Variants in LTF observed in about 807,000 individuals in gnomAD.
The protein encoded by LTF is epididymis luminal protein 110.
A neutral mutation model predicts 87.2 loss-of-function variants in LTF; 91 were observed. That is an observed-to-expected ratio of 1.04 (90% CI 0.88 to 1.24). LTF has a LOEUF of 1.24. Ranked by LOEUF, LTF falls within the 50% of genes most tolerant of loss-of-function variation. The pLI is 0.00. For synonymous variants in LTF, 378 were observed against 356.1 expected (o/e 1.06, Z -0.69); for missense variants, 901 against 904.3 (o/e 1.00, Z 0.05).
chr3:46,472,661 C>A (rs1703308774), intron 1 of LTF, among the ~76,000 whole-genome samples: 1 of 151,962 alleles, frequency 6.6e-6, no homozygotes, highest in Admixed American at 6.6e-5. Flanking sequence ...GCCACATGGT[C>A]AGCCCTTTTG....
intron 1 of LTF, among the ~76,000 whole-genome samples, chr3:46,482,281 C>A (rs1703442266): frequency 6.6e-6 from 1 of 151,920 alleles, no homozygotes; most frequent in Admixed American, 6.6e-5. Context: ...CATGGAGAAA[C>A]CCCATCTCTA....
chr3:46,475,511 C>A (rs902511884), intron 1 of LTF, among the ~76,000 whole-genome samples: 71 of 136,352 alleles, frequency 5.2e-4, no homozygotes, highest in Non-Finnish European at 7.9e-4. Context: ...CTGCTCTCCC[C>A]CTAAACACAC....
intron 6 of LTF, chr3:46,454,092 G>T: frequency 1.7e-6 from 1 of 574,436 alleles, no homozygotes; most frequent in African/African-American, 1.9e-5. Flanking sequence ...AGGCATGGGT[G>T]TCTATGAGGG....
chr3:46,472,626 G>C (rs1469143502), intron 1 of LTF, among the ~76,000 whole-genome samples: 1 of 150,836 alleles, frequency 6.6e-6, no homozygotes, highest in African/African-American at 2.4e-5. Flanking sequence ...GAACTCCCAG[G>C]CTCAAGAGAT....
At chr3:46,456,040 A>C in intron 3 of LTF, 62 bp from the exon 4 acceptor site, 1 of 1,428,892 alleles carries the variant, frequency 7.0e-7, no homozygotes, top group Non-Finnish European at 9.3e-7. Context: ...AAAACAACCC[A>C]TCCTGAAAAG....
At chr3:46,443,101 C>A (rs1702562114) in intron 13 of LTF, among the ~76,000 whole-genome samples, 1 of 152,218 alleles carries the variant, frequency 6.6e-6, no homozygotes, top group African/African-American at 2.4e-5. Context: ...AAAGAGAATT[C>A]TTCCCCATAA....
intron 16 of LTF, among the ~76,000 whole-genome samples, chr3:46,436,647 G>A (rs1702393121): frequency 6.6e-6 from 1 of 152,218 alleles, no homozygotes; most frequent in Non-Finnish European, 1.5e-5. Context: ...GCTGTGCTAA[G>A]TGCTGGGGAC....
intron 16 of LTF, 42 bp from the exon 17 acceptor site, chr3:46,436,271 T>C: frequency 6.4e-7 from 1 of 1,567,090 alleles, no homozygotes; most frequent in Non-Finnish European, 8.8e-7. Flanking sequence ...AACTGATTTC[T>C]TCCATTAAAC....
chr3:46,456,984 G>A (rs763738572), intron 2 of LTF, among the ~76,000 whole-genome samples: 3 of 152,144 alleles, frequency 2.0e-5, no homozygotes, highest in Admixed American at 2.0e-4. Flanking sequence ...ATCAGGCATT[G>A]GATTCTCATA....
rs967672800 is a variant in LTF at position 46,476,577 on chromosome 3, G to A, written c.-319-6111C>T. Among the ~76,000 whole-genome samples, 5 of 152,290 alleles carry A rather than the reference G, an allele frequency of 3.3e-5. No homozygotes were observed. The East Asian group carries it at 5.8e-4, about 18-fold the overall frequency. ...GTAGCATACATATGCATATATAACAGCAGATGCACAAATCATACATGTAGA... is the reference window on the plus strand; with the variant it reads ...GTAGCATACATATGCATATATAACAACAGATGCACAAATCATACATGTAGA... On this transcript the variant is annotated intron_variant, in intron 1 of 19. Coordinates refer to the LTF transcript ENST00000443496.
rs543630918 is a variant in LTF at position 46,463,336 on chromosome 3, A to G, written c.43+1489T>C. On this transcript the variant is annotated intron_variant, in intron 1 of 16. Coordinates refer to ENST00000231751, the MANE Select transcript of LTF (RefSeq NM_002343.6). ...GATAGGGCCCAAGCAGACTGCTCAG[A>G]CTGATGGGAAACCTCATGAGTGCCT... The G allele has an allele frequency of 5.1e-4, 210 of 410,062 alleles. 1 individual carries two copies. The highest frequency in any genetic ancestry group is 4.2e-3 in the African/African-American group (194 of 46,244). 25.4% of individuals were successfully genotyped at this position (410,062 alleles called of 1,614,324 possible).
chr3:46,481,608 G>A (rs1703432659), intron 1 of LTF, among the ~76,000 whole-genome samples: 1 of 152,146 alleles, frequency 6.6e-6, no homozygotes, highest in Admixed American at 6.5e-5. Context: ...AAAATTAGCT[G>A]GGCCTGGTGG....
intron 11 of LTF, 137 bp from the exon 12 acceptor site, chr3:46,445,573 C>A (rs1575309842): frequency 7.5e-6 from 5 of 662,886 alleles, no homozygotes; most frequent in South Asian, 5.9e-5. Context: ...AAAGAACTGG[C>A]CTTTTTAGGT....
chr3:46,467,744 G>T (rs962818848), upstream of LTF, among the ~76,000 whole-genome samples: 1 of 150,444 alleles, frequency 6.6e-6, no homozygotes, highest in Non-Finnish European at 1.5e-5. Flanking sequence ...TTGACCTCCT[G>T]GGCCCAAGCG....
intron 13 of LTF, chr3:46,442,018 G>A (rs1702535769): frequency 6.6e-6 from 1 of 150,580 alleles, no homozygotes; most frequent in African/African-American, 2.4e-5. Context: ...TTACATTACT[G>A]GCAGACAGTT....
chr3:46,446,060 C>G (rs1182621988), intron 11 of LTF, among the ~76,000 whole-genome samples: 1 of 152,146 alleles, frequency 6.6e-6, no homozygotes, highest in Non-Finnish European at 1.5e-5. Context: ...GGACACGAGT[C>G]CCAGGTCACG....
intron 16 of LTF, among the ~76,000 whole-genome samples, chr3:46,437,171 C>T (rs1325124482): frequency 6.6e-6 from 1 of 152,192 alleles, no homozygotes; most frequent in Non-Finnish European, 1.5e-5. Flanking sequence ...GGGAGCCTTA[C>T]AATACTCTGT....
intron 2 of LTF, among the ~76,000 whole-genome samples, chr3:46,457,037 G>C (rs927380257): frequency 6.6e-6 from 1 of 152,160 alleles, no homozygotes; most frequent in Admixed American, 6.5e-5. Flanking sequence ...TTCACACTAG[G>C]GTTCACACTC....
intron 8 of LTF, among the ~76,000 whole-genome samples, chr3:46,449,300 T>C (rs1418251410): frequency 6.6e-6 from 1 of 152,194 alleles, no homozygotes; most frequent in Non-Finnish European, 1.5e-5. Flanking sequence ...ATTGTCTCTG[T>C]CTCTGAGGAT....
Sources: gnomAD v4.1 joint callset for allele counts (sites outside exome capture counted in the v4.1 genomes callset) on GRCh38, gnomAD v4.1.1 for gene constraint, MANE v1.5 for transcripts, NCBI Gene and HGNC (gene_info 2026-07-23, HGNC 2026-07-21) for gene names.